The following FRS2 variants were observed in gnomAD, a reference collection of about 807,000 sequenced individuals.
FRS2 encodes the protein fibroblast growth factor receptor substrate 2, also known as FGFR signalling adaptor.
FRS2 carries 8 observed loss-of-function variants against 43.9 expected under a neutral mutation model. That is an observed-to-expected ratio of 0.18 (90% CI 0.11 to 0.33). FRS2 has a LOEUF of 0.33. FRS2 is among the 10% of genes least tolerant of loss of function. The pLI, the probability that FRS2 is intolerant of heterozygous loss-of-function variation, is 1.00. For synonymous variants in FRS2, 219 were observed against 220.3 expected (o/e 0.99, Z 0.05); for missense variants, 534 against 627.6 (o/e 0.85, Z 1.59).
intron 3 of FRS2, among the ~76,000 whole-genome samples, chr12:69,549,742 T>C (rs1878712575): frequency 6.6e-6 from 1 of 152,212 alleles, no homozygotes; most frequent in Admixed American, 6.5e-5. Context: ...TCTTCCATAT[T>C]GCTAAATATT....
intron 1 of FRS2, among the ~76,000 whole-genome samples, chr12:69,530,241 A>C (rs1876657525): frequency 6.6e-6 from 1 of 152,144 alleles, no homozygotes; most frequent in Non-Finnish European, 1.5e-5. Context: ...TTGTATTCAG[A>C]ATGTACTATA....
chr12:69,524,283 C>T (rs374628182), intron 1 of FRS2, among the ~76,000 whole-genome samples: 17 of 152,170 alleles, frequency 1.1e-4, no homozygotes, highest in African/African-American at 4.1e-4. Context: ...AGGGTGCAGA[C>T]ACCCTGGCTG....
chr12:69,568,810 CA>C (rs1880510259), intron 4 of FRS2, among the ~76,000 whole-genome samples, 194 bp from the exon 5 acceptor site: 1 of 152,010 alleles, frequency 6.6e-6, no homozygotes, highest in East Asian at 1.9e-4. Flanking sequence ...TAATGCCTCA[CA>C]AAATTTATTC....
At chr12:69,573,085 G>A (rs371926118) in intron 8 of FRS2, among the ~76,000 whole-genome samples, 4 of 152,100 alleles carry the variant, frequency 2.6e-5, no homozygotes, top group African/African-American at 7.2e-5. Context: ...TGCCTGCCCC[G>A]GCCTCCCAAA....
intron 1 of FRS2, among the ~76,000 whole-genome samples, chr12:69,492,667 AT>A (rs954557893): frequency 6.6e-6 from 1 of 151,964 alleles, no homozygotes; most frequent in Non-Finnish European, 1.5e-5. Flanking sequence ...CTCCATATGG[AT>A]TTTTTTTAGG....
intron 4 of FRS2, among the ~76,000 whole-genome samples, chr12:69,566,023 G>A (rs754593956): frequency 6.6e-5 from 10 of 151,952 alleles, no homozygotes; most frequent in Non-Finnish European, 1.5e-4. Context: ...CATGAATAAT[G>A]TGTTGCACTG....
At chr12:69,555,377 C>T (rs1365137126) in intron 3 of FRS2, among the ~76,000 whole-genome samples, 1 of 152,092 alleles carries the variant, frequency 6.6e-6, no homozygotes, top group African/African-American at 2.4e-5. Context: ...ATATCATGAA[C>T]ATTTTGTCTT....
chr12:69,539,787 C>T (rs912052512), intron 3 of FRS2, among the ~76,000 whole-genome samples: 5 of 151,894 alleles, frequency 3.3e-5, no homozygotes, highest in African/African-American at 1.2e-4. Flanking sequence ...AACCCCGTCT[C>T]TACTAAAAAT....
intron 1 of FRS2, among the ~76,000 whole-genome samples, chr12:69,512,072 T>C (rs190488008): frequency 6.6e-6 from 1 of 152,178 alleles, no homozygotes; most frequent in Non-Finnish European, 1.5e-5. Flanking sequence ...TCTGCCAATT[T>C]TGAAGGACGA....
At chr12:69,537,984 G>A (rs984715564) in intron 3 of FRS2, 1 of 152,314 alleles carries the variant, frequency 6.6e-6, no homozygotes, top group Admixed American at 6.6e-5. Flanking sequence ...CTTCTGCAAG[G>A]TAGGTTTACT....
At chr12:69,556,055 TAGTC>T (rs1879320445) in intron 3 of FRS2, among the ~76,000 whole-genome samples, 1 of 149,246 alleles carries the variant, frequency 6.7e-6, no homozygotes, top group Admixed American at 6.7e-5. Flanking sequence ...CATGTGCACA[TAGTC>T]AATATTAGAC....
intron 1 of FRS2, among the ~76,000 whole-genome samples, chr12:69,493,283 C>T (rs1872617910): frequency 6.6e-6 from 1 of 152,120 alleles, no homozygotes; most frequent in Non-Finnish European, 1.5e-5. Context: ...GGGCATCAGC[C>T]TTTTTGGTCT....
intron 4 of FRS2, among the ~76,000 whole-genome samples, chr12:69,564,720 T>A (rs543457378): frequency 6.6e-6 from 1 of 152,330 alleles, no homozygotes; most frequent in South Asian, 2.1e-4. Flanking sequence ...AATCTCAAAC[T>A]GATTTTCTTT....
At position 69,495,390 on chromosome 12, in the gene FRS2, G is replaced by C. The variant is rs546424175; in HGVS notation, c.-261+24860G>C. On this transcript the variant is annotated intron_variant, in intron 1 of 8. Transcript: ENST00000549921. ...TACTCAGCTTACTCATGCCTGGTGG[G>C]CCTAGCATTTAGCTGCTAGTCTTGG... 5.9e-5 allele frequency among the ~76,000 whole-genome samples: 9 copies of C among 152,274 alleles called. No individual in the cohort carries two copies. In the East Asian group the frequency reaches 1.5e-3, roughly 26 times the overall value.
chr12:69,506,015 G>A (rs1244286525), intron 1 of FRS2, among the ~76,000 whole-genome samples: 1 of 151,890 alleles, frequency 6.6e-6, no homozygotes, highest in Non-Finnish European at 1.5e-5. Flanking sequence ...TTTCTTTAAT[G>A]TTTTTATACT....
At chr12:69,547,414 G>T (rs1411264610) in intron 3 of FRS2, among the ~76,000 whole-genome samples, 1 of 152,030 alleles carries the variant, frequency 6.6e-6, no homozygotes, top group African/African-American at 2.4e-5. Flanking sequence ...GTGAGCTATG[G>T]TCACATCACT....
chr12:69,496,288 T>C (rs924767620), intron 1 of FRS2, among the ~76,000 whole-genome samples: 1 of 151,996 alleles, frequency 6.6e-6, no homozygotes, highest in Non-Finnish European at 1.5e-5. Flanking sequence ...TACAAAAAAA[T>C]TAGCCGGGCG....
chr12:69,547,554 AT>A (rs1490644198), intron 3 of FRS2, among the ~76,000 whole-genome samples: 1 of 152,202 alleles, frequency 6.6e-6, no homozygotes, highest in Non-Finnish European at 1.5e-5. Flanking sequence ...AGAAAATGCA[AT>A]TAAATCTTAT....
chr12:69,573,459 T>C (rs1401585610), intron 8 of FRS2, among the ~76,000 whole-genome samples: 1 of 152,142 alleles, frequency 6.6e-6, no homozygotes, highest in Non-Finnish European at 1.5e-5. Context: ...TAATGTTGCA[T>C]GTTATTTTAT....
Sources: allele counts gnomAD v4.1 joint callset (sites outside exome capture counted in the v4.1 genomes callset), GRCh38; gene constraint gnomAD v4.1.1; transcripts MANE v1.5; gene names NCBI Gene and HGNC (gene_info 2026-07-23, HGNC 2026-07-21).